Variants in CNTNAP5 observed in about 807,000 individuals in gnomAD.
CNTNAP5 encodes the protein contactin-associated protein-like 5.
Under a neutral mutation model 150.2 loss-of-function variants are expected in CNTNAP5, and 72 were observed. That is an observed-to-expected ratio of 0.48 (90% CI 0.40 to 0.58). The LOEUF is 0.58. Among genes scored for constraint, CNTNAP5 ranks in the 20% least tolerant of loss-of-function variants. The pLI is 0.00. For synonymous variants in CNTNAP5, 672 were observed against 619.8 expected (o/e 1.08, Z -1.25); for missense variants, 1,636 against 1,626.2 (o/e 1.01, Z -0.10).
At chr2:124,612,033 G>A (rs1211428313) in intron 12 of CNTNAP5, among the ~76,000 whole-genome samples, 1 of 152,096 alleles carries the variant, frequency 6.6e-6, no homozygotes, top group Non-Finnish European at 1.5e-5. Flanking sequence ...ATAGCCTTCT[G>A]GTTCAGTAAT....
chr2:124,233,545 T>G (rs1318752160), intron 2 of CNTNAP5, among the ~76,000 whole-genome samples: 2 of 152,082 alleles, frequency 1.3e-5, no homozygotes, highest in African/African-American at 4.8e-5. Flanking sequence ...CCTGAAACAA[T>G]CACAGTCAAG....
At chr2:124,491,842 T>G (rs1694037039) in intron 7 of CNTNAP5, among the ~76,000 whole-genome samples, 1 of 152,148 alleles carries the variant, frequency 6.6e-6, no homozygotes, top group Admixed American at 6.6e-5. Flanking sequence ...GGTTTGGATT[T>G]GCATTTCCCT....
At chr2:124,614,983 CAAAAA>C (rs70996082) in intron 12 of CNTNAP5, among the ~76,000 whole-genome samples, 70,898 of 151,782 alleles carry the variant, frequency 0.47, 17,488 homozygotes, top group Non-Finnish European at 0.56. Context: ...AGCATTATAT[CAAAAA>C]AAAAAAAAAC....
chr2:124,120,623 C>A (rs1445102962), intron 1 of CNTNAP5, among the ~76,000 whole-genome samples: 1 of 152,134 alleles, frequency 6.6e-6, no homozygotes. Flanking sequence ...ACCAACCAAC[C>A]AAACCACGTA....
At chr2:124,619,005 C>A (rs559624614) in intron 12 of CNTNAP5, among the ~76,000 whole-genome samples, 1 of 152,094 alleles carries the variant, frequency 6.6e-6, no homozygotes, top group Non-Finnish European at 1.5e-5. Flanking sequence ...AATACAGGTA[C>A]TCAATTTATA....
chr2:124,713,331 C>CTTTCTTTCTTTCTTTA (rs1679872481), intron 13 of CNTNAP5, among the ~76,000 whole-genome samples: 1 of 93,370 alleles, frequency 1.1e-5, no homozygotes, highest in East Asian at 3.8e-4. Flanking sequence ...TTCTTTCTTT[C>CTTTCTTTCTTTCTTTA]TTTCTTTCTT....
intron 12 of CNTNAP5, among the ~76,000 whole-genome samples, chr2:124,619,946 A>G (rs536019343): frequency 7.0e-6 from 1 of 142,500 alleles, no homozygotes; most frequent in East Asian, 2.0e-4. Flanking sequence ...TGTAGTGCAC[A>G]CACACACAGT....
intron 3 of CNTNAP5, among the ~76,000 whole-genome samples, chr2:124,248,624 C>T (rs1303848175): frequency 6.6e-6 from 1 of 152,192 alleles, no homozygotes; most frequent in Non-Finnish European, 1.5e-5. Flanking sequence ...TCACTGATGC[C>T]CATCTGTTTT....
intron 13 of CNTNAP5, among the ~76,000 whole-genome samples, chr2:124,744,849 C>T (rs1309759354): frequency 6.6e-6 from 1 of 152,050 alleles, no homozygotes; most frequent in Non-Finnish European, 1.5e-5. Context: ...TATAATCTCT[C>T]CAGTACTGCA....
rs182705558 is a variant in CNTNAP5, at chr2:124,750,105, A to G, written c.2234+2720A>G. Reference sequence around the variant, plus strand: ...CCTTGATCATTCCAGAAGTTATTACATATTTCATGACCCTTTCCATTTCCT... The same window carrying G: ...CCTTGATCATTCCAGAAGTTATTACGTATTTCATGACCCTTTCCATTTCCT... On this transcript the variant is annotated intron_variant, in intron 14 of 23. Coordinates refer to ENST00000682447, the MANE Select transcript of CNTNAP5 (RefSeq NM_001367498.1). Among the ~76,000 whole-genome samples, 39 of 152,286 alleles carry G rather than the reference A, an allele frequency of 2.6e-4. 1 individual carries two copies. Among genetic ancestry groups the G allele is most frequent in the Admixed American group, 2.3e-3 (35 of 15,298 alleles).
chr2:124,365,765 C>T (rs1187828086), intron 3 of CNTNAP5, among the ~76,000 whole-genome samples: 1 of 152,150 alleles, frequency 6.6e-6, no homozygotes, highest in Non-Finnish European at 1.5e-5. Context: ...GGTCAATGCA[C>T]ATGAAAGATC....
At chr2:124,164,019 T>C (rs1684752276) in intron 1 of CNTNAP5, among the ~76,000 whole-genome samples, 1 of 152,202 alleles carries the variant, frequency 6.6e-6, no homozygotes, top group South Asian at 2.1e-4. Context: ...ATCCCTAGTA[T>C]TTGTTCTTAG....
chr2:124,892,376 A>G (rs1467135554), intron 21 of CNTNAP5, among the ~76,000 whole-genome samples: 10 of 152,116 alleles, frequency 6.6e-5, no homozygotes. Flanking sequence ...TCCTTGCCCT[A>G]CAGAAAAGTC....
At position 124,300,498 on chromosome 2, in the gene CNTNAP5, GAGAAT is replaced by G. The variant is rs377034867; in HGVS notation, c.381+58109_381+58113del. 8.5e-5 allele frequency among the ~76,000 whole-genome samples: 13 copies of G among 152,196 alleles called. No individual in the cohort carries two copies. In the East Asian group the frequency reaches 2.3e-3, roughly 27 times the overall value. ...GGAGTGTAGTTCTAGGCATGGAGCA[GAGAAT>G]AGAGCAGGCTGGGAGGAAGAAGAGC... On this transcript the variant is annotated intron_variant, in intron 3 of 23. Transcript: ENST00000682447.
intron 13 of CNTNAP5, among the ~76,000 whole-genome samples, chr2:124,733,789 G>C (rs1199215148): frequency 1.3e-5 from 2 of 152,174 alleles, no homozygotes; most frequent in Non-Finnish European, 2.9e-5. Flanking sequence ...GTGCAGAGTA[G>C]ATTGCAGTGA....
intron 1 of CNTNAP5, among the ~76,000 whole-genome samples, chr2:124,110,295 T>G (rs1480501188): frequency 6.6e-6 from 1 of 152,134 alleles, no homozygotes; most frequent in Non-Finnish European, 1.5e-5. Context: ...TATACAAAGA[T>G]AAGCAAAACA....
chr2:124,757,893 T>C (rs1289393363), intron 14 of CNTNAP5, among the ~76,000 whole-genome samples: 2 of 152,216 alleles, frequency 1.3e-5, no homozygotes, highest in African/African-American at 4.8e-5. Context: ...TAAAATAGAA[T>C]TTTATTGTCC....
chr2:124,719,216 ATGGGATAT>A (rs1680004251), intron 13 of CNTNAP5, among the ~76,000 whole-genome samples: 1 of 152,168 alleles, frequency 6.6e-6, no homozygotes, highest in Admixed American at 6.5e-5. Context: ...AACTCTCTTC[ATGGGATAT>A]TGAAAGGACT....
At chr2:124,909,575 A>G (rs889973375) in intron 22 of CNTNAP5, among the ~76,000 whole-genome samples, 10 of 151,944 alleles carry the variant, frequency 6.6e-5, no homozygotes, top group Non-Finnish European at 1.2e-4. Flanking sequence ...AGCACAGTGG[A>G]CAGTGTGATA....
Sources: gnomAD v4.1 joint callset for allele counts (sites outside exome capture counted in the v4.1 genomes callset) on GRCh38, gnomAD v4.1.1 for gene constraint, MANE v1.5 for transcripts, NCBI Gene and HGNC (gene_info 2026-07-23, HGNC 2026-07-21) for gene names.